Variants in CMTM6 observed in about 807,000 individuals in gnomAD.
CMTM6 encodes the protein CKLF-like MARVEL transmembrane domain-containing protein 6.
In CMTM6, 5 loss-of-function variants were observed where a neutral mutation model predicts 13.6. The ratio of observed to expected loss-of-function variants is 0.37; its 90% CI spans 0.19 to 0.77. The LOEUF (loss-of-function observed/expected upper bound fraction) is 0.77. CMTM6 is among the 30% of genes least tolerant of loss of function. The pLI is 0.50. For synonymous variants in CMTM6, 99 were observed against 84.5 expected (o/e 1.17, Z -0.94); for missense variants, 196 against 218.6 (o/e 0.90, Z 0.65).
intron 1 of CMTM6, among the ~76,000 whole-genome samples, chr3:32,501,725 G>C (rs918817591): frequency 6.6e-6 from 1 of 152,180 alleles, no homozygotes; most frequent in Non-Finnish European, 1.5e-5. Context: ...AACAAAGTAA[G>C]ACAAAACTCA....
intron 1 of CMTM6, among the ~76,000 whole-genome samples, chr3:32,494,511 C>T (rs1441583212): frequency 2.0e-5 from 3 of 152,148 alleles, no homozygotes. Flanking sequence ...AGAAATAGAA[C>T]TCTTGGGCAA....
intron 1 of CMTM6, among the ~76,000 whole-genome samples, chr3:32,498,276 T>C (rs2125659600): frequency 6.6e-6 from 1 of 152,310 alleles, no homozygotes; most frequent in South Asian, 2.1e-4. Context: ...AGCCCCAAGT[T>C]AGCTCGGCAC....
At chr3:32,499,400 C>G (rs1293031695) in intron 1 of CMTM6, among the ~76,000 whole-genome samples, 3 of 152,142 alleles carry the variant, frequency 2.0e-5, no homozygotes, top group Admixed American at 2.0e-4. Context: ...GACTAGAATT[C>G]CAGTACTGTG....
Position 32,502,644 on chromosome 3 carries a change from G to C in CMTM6, c.102C>G (p.Leu34=), listed in dbSNP as rs199588531. ...CCTTGAGAACGCGCCGGAGCAATGG[G>C]AGCCGGCCCATGAAAAAGTAGGCAG... is the stretch of plus-strand genomic sequence containing the variant. ...GLAAYFFMGR[L]PLLRRVLKGL... Residue 34 remains leucine, a synonymous_variant, in exon 1 of 4, where the codon CTC becomes CTG. Transcript: ENST00000205636. The C allele has an allele frequency of 1.9e-6, 3 of 1,596,062 alleles. No individual in the cohort carries two copies. Among genetic ancestry groups the C allele is most frequent in the East Asian group, 2.3e-5 (1 of 44,086 alleles).
chr3:32,496,187 C>T lies in CMTM6; in HGVS notation c.139-4301G>A, dbSNP rs546337904. Among the ~76,000 whole-genome samples, 16 of 138,232 alleles carry T rather than the reference C, an allele frequency of 1.2e-4. No homozygotes were observed. The South Asian group carries it at 2.0e-3, about 18-fold the overall frequency. The allele number at this position is 138,232 out of a possible 152,430, so 90.7% of individuals were successfully genotyped here. A position where few individuals can be genotyped will look rare whatever the true frequency, so the allele number is the denominator to read the frequency against. Reference sequence around the variant, plus strand: ...CTACACTCCAGCCTGGGTGACAAAGCGAGACTATCTCAAAAAAAAAAAAAA... The same window carrying T: ...CTACACTCCAGCCTGGGTGACAAAGTGAGACTATCTCAAAAAAAAAAAAAA... On this transcript the variant is annotated intron_variant, in intron 1 of 3. Transcript: ENST00000205636.
chr3:32,502,761 A>G lies in CMTM6; in HGVS notation c.-16T>C, dbSNP rs1166823843. 2.1e-6 allele frequency: 3 copies of G among 1,415,116 alleles called. No homozygotes were observed. Among genetic ancestry groups the G allele is most frequent in the African/African-American group, 1.5e-5 (1 of 66,180 alleles). 87.7% of individuals were successfully genotyped at this position (1,415,116 alleles called of 1,614,324 possible). On this transcript the variant is annotated 5_prime_UTR_variant, in exon 1 of 4. Coordinates refer to ENST00000205636, the MANE Select transcript of CMTM6 (RefSeq NM_017801.3). ...CGTTCTCCATCGCCTCGGGCCGGGGAGCGCGGCGGCCGCAGCAACCGCGCC... is the reference window on the plus strand; with the variant it reads ...CGTTCTCCATCGCCTCGGGCCGGGGGGCGCGGCGGCCGCAGCAACCGCGCC...
Position 32,481,370 on chromosome 3 carries a change from TAAAAA to T in CMTM6, c.*2585_*2589del, listed in dbSNP as rs71068056. 1 of 146,838 alleles carries T rather than the reference TAAAAA, an allele frequency of 6.8e-6. No individual in the cohort carries two copies. The highest frequency in any genetic ancestry group is 6.7e-5 in the Admixed American group (1 of 14,836). 9.1% of individuals were successfully genotyped at this position (146,838 alleles called of 1,614,324 possible). A position where few individuals can be genotyped will look rare whatever the true frequency, so the allele number is the denominator to read the frequency against. On this transcript the variant is annotated 3_prime_UTR_variant, in exon 4 of 4. Coordinates refer to ENST00000205636, the MANE Select transcript of CMTM6 (RefSeq NM_017801.3). ...CTATAAAATCTGACATCAAGAGAGATAAAAAAAAAAGACCCATAAGATTTAAATTG... is the reference window on the plus strand; with the variant it reads ...CTATAAAATCTGACATCAAGAGAGATAAAAAGACCCATAAGATTTAAATTG...
intron 1 of CMTM6, among the ~76,000 whole-genome samples, chr3:32,502,002 T>TA (rs1372119281): frequency 1.3e-5 from 2 of 152,244 alleles, no homozygotes; most frequent in Non-Finnish European, 2.9e-5. Context: ...CGCACATACT[T>TA]ACAAAAAGCT....
At chr3:32,502,527 C>T in intron 1 of CMTM6, 81 bp downstream of exon 1, 2 of 1,511,776 alleles carry the variant, frequency 1.3e-6, no homozygotes, top group Non-Finnish European at 8.9e-7. Context: ...CAAGCTGAAA[C>T]GAAGGAGCTC....
chr3:32,499,988 G>C (rs961404251), intron 1 of CMTM6, among the ~76,000 whole-genome samples: 1 of 151,754 alleles, frequency 6.6e-6, no homozygotes, highest in Non-Finnish European at 1.5e-5. Context: ...AATTTCCTAA[G>C]TATATACACA....
In CMTM6 at chr3:32,483,559, A is replaced by T. The variant is rs888269821; in HGVS notation, c.*401T>A. 2 of 153,122 alleles carry T rather than the reference A, an allele frequency of 1.3e-5. No individual in the cohort carries two copies. The highest frequency in any genetic ancestry group is 4.8e-5 in the African/African-American group (2 of 41,516). 9.5% of individuals were successfully genotyped at this position (153,122 alleles called of 1,614,324 possible). ...CAGCTAAGCAAATTAATTTAAAAAT[A>T]AAACAATTTCTAAGTAGATGAATAT... On this transcript the variant is annotated 3_prime_UTR_variant, in exon 4 of 4. Coordinates refer to ENST00000205636, the MANE Select transcript of CMTM6 (RefSeq NM_017801.3).
rs1017329597 is a variant in CMTM6, at chr3:32,481,826, A to C, written c.*2134T>G. The C allele has an allele frequency of 2.0e-5, 3 of 152,280 alleles. No individual in the cohort carries two copies. The highest frequency in any genetic ancestry group is 7.2e-5 in the African/African-American group (3 of 41,476). The allele number at this position is 152,280 out of a possible 1,614,324, so 9.4% of individuals were successfully genotyped here. On this transcript the variant is annotated 3_prime_UTR_variant, in exon 4 of 4. Coordinates refer to ENST00000205636, the MANE Select transcript of CMTM6 (RefSeq NM_017801.3). ...TTTCTGAAAAAGAAAGAATTAAGTG[A>C]CCAACTAAGAGATCCACTTTTGCAC...
rs1559423959 is a variant in CMTM6 at position 32,487,918 on chromosome 3, TA to T, written c.414+19del. ...CTAAGGAAACAAAAATAAGCAATGT[TA>T]AAAATACAAGGTACTTACAATTGCA... On this transcript the variant is annotated intron_variant, in intron 3 of 3. Transcript: ENST00000205636. The T allele has an allele frequency of 6.4e-7, 1 of 1,564,266 alleles. No individual in the cohort carries two copies. Among genetic ancestry groups the T allele is most frequent in the Non-Finnish European group, 8.8e-7 (1 of 1,137,606 alleles).
intron 3 of CMTM6, among the ~76,000 whole-genome samples, chr3:32,484,547 G>A (rs1697186518): frequency 6.6e-6 from 1 of 152,190 alleles, no homozygotes; most frequent in Non-Finnish European, 1.5e-5. Flanking sequence ...CCATTTTGAA[G>A]ATACTATTAG....
chr3:32,491,484 CTG>C (rs1697249557), intron 2 of CMTM6, among the ~76,000 whole-genome samples: 1 of 152,204 alleles, frequency 6.6e-6, no homozygotes, highest in South Asian at 2.1e-4. Flanking sequence ...CCACCAATAA[CTG>C]TAAACTATTG....
At chr3:32,497,610 A>T (rs1697307735) in intron 1 of CMTM6, among the ~76,000 whole-genome samples, 1 of 151,314 alleles carries the variant, frequency 6.6e-6, no homozygotes. Context: ...CTGTAATCCC[A>T]GCACTTTGGG....
chr3:32,498,606 T>TTC (rs1458106040), intron 1 of CMTM6, among the ~76,000 whole-genome samples: 1 of 150,164 alleles, frequency 6.7e-6, no homozygotes, highest in East Asian at 1.9e-4. Flanking sequence ...TCTTTTTTTT[T>TTC]TTTTTTTTTC....
chr3:32,496,694 G>A (rs892063116), intron 1 of CMTM6, among the ~76,000 whole-genome samples: 1 of 152,202 alleles, frequency 6.6e-6, no homozygotes, highest in South Asian at 2.1e-4. Context: ...GGAGAAGGAT[G>A]AGTGGAAAAG....
At chr3:32,498,879 CA>C (rs938995488) in intron 1 of CMTM6, among the ~76,000 whole-genome samples, 31 of 152,022 alleles carry the variant, frequency 2.0e-4, no homozygotes, top group Admixed American at 1.2e-3. Context: ...CACCCGGCCT[CA>C]GTTTCACTAC....
Sources: allele counts gnomAD v4.1 joint callset (sites outside exome capture counted in the v4.1 genomes callset), GRCh38; gene constraint gnomAD v4.1.1; transcripts MANE v1.5; gene names NCBI Gene and HGNC (gene_info 2026-07-23, HGNC 2026-07-21).